The following ZC3H13 variants were observed in gnomAD, a reference collection of about 807,000 sequenced individuals.
ZC3H13 encodes the protein zinc finger CCCH-type containing 13, also known as zinc finger CCCH domain-containing protein 13.
ZC3H13 carries 64 observed loss-of-function variants against 204.1 expected under a neutral mutation model. That is an observed-to-expected ratio of 0.31 (90% CI 0.26 to 0.39). ZC3H13 has a LOEUF of 0.39. Among genes scored for constraint, ZC3H13 ranks in the 10% least tolerant of loss-of-function variants. The pLI is 1.00. For synonymous variants in ZC3H13, 667 were observed against 693.7 expected, an observed-to-expected ratio of 0.96 and a Z score of 0.60; for missense variants, 1,833 against 2,082.7, an observed-to-expected ratio of 0.88 and a Z score of 2.33.
chr13:45,971,480 C>T lies in ZC3H13; in HGVS notation c.2469-1015G>A, dbSNP rs180909663. On this transcript the variant is annotated intron_variant, in intron 12 of 18. Transcript: ENST00000679008. ...CAAGTCACATGTAAAAGAATGAAAC[C>T]GGATCCCTCTCAGCTCAAACAAAAA... Among the ~76,000 whole-genome samples the T allele has an allele frequency of 5.7e-4, 86 of 152,106 alleles. 1 individual carries two copies. The highest frequency in any genetic ancestry group is 1.9e-3 in the African/African-American group (77 of 41,522).
chr13:46,033,731 G>A (rs1034531202), intron 4 of ZC3H13, among the ~76,000 whole-genome samples: 1 of 152,040 alleles, frequency 6.6e-6, no homozygotes, highest in African/African-American at 2.4e-5. Context: ...TATATAGTAT[G>A]AAATACACAA....
Position 45,955,045 on chromosome 13 carries a change from C to T in ZC3H13, c.*2082G>A, listed in dbSNP as rs368253160. ...TGCCCTTTATCTATCTACACAATTC[C>T]TTATTACCAGCAGCTGGAATCCAGT... is the stretch of plus-strand genomic sequence containing the variant. On this transcript the variant is annotated 3_prime_UTR_variant, in exon 19 of 19. Transcript: ENST00000679008. The T allele has an allele frequency of 5.3e-5, 8 of 152,112 alleles. No individual in the cohort carries two copies. The highest frequency in any genetic ancestry group is 1.7e-4 in the African/African-American group (7 of 41,418). The allele number at this position is 152,112 out of a possible 1,614,324, so 9.4% of individuals were successfully genotyped here.
chr13:45,959,242 CA>C (rs1566134396), intron 18 of ZC3H13, among the ~76,000 whole-genome samples: 1 of 151,836 alleles, frequency 6.6e-6, no homozygotes, highest in Non-Finnish European at 1.5e-5. Context: ...AAGCTTTTCA[CA>C]AAAAACGTTT....
At chr13:46,006,474 T>C (rs575469101) in intron 7 of ZC3H13, among the ~76,000 whole-genome samples, 1 of 151,864 alleles carries the variant, frequency 6.6e-6, no homozygotes, top group South Asian at 2.1e-4. Context: ...TAAATGAATT[T>C]ATAATTTAAG....
intron 1 of ZC3H13, among the ~76,000 whole-genome samples, chr13:46,045,958 T>C (rs1294150488): frequency 1.3e-5 from 2 of 152,106 alleles, no homozygotes; most frequent in African/African-American, 4.8e-5. Context: ...AAAATAAAAT[T>C]GGGTGAAAAT....
rs1289212835 is a variant in ZC3H13 at position 46,020,576 on chromosome 13, AC to A, written c.340-20del. The A allele has an allele frequency of 6.7e-7, 1 of 1,488,416 alleles. No homozygotes were observed. Among genetic ancestry groups the A allele is most frequent in the Non-Finnish European group, 9.2e-7 (1 of 1,086,130 alleles). The allele number at this position is 1,488,416 out of a possible 1,614,324, so 92.2% of individuals were successfully genotyped here. On this transcript the variant is annotated intron_variant, in intron 4 of 18. Coordinates refer to ENST00000679008, the MANE Select transcript of ZC3H13 (RefSeq NM_001330564.2). Reference sequence around the variant, plus strand: ...ATTCTTTCTAAAAAAGTACATACATACATTCAGATTACTATATTTTTAAAAA... The same window carrying A: ...ATTCTTTCTAAAAAAGTACATACATAATTCAGATTACTATATTTTTAAAAA...
chr13:45,997,951 C>T (rs1209306440), intron 8 of ZC3H13, among the ~76,000 whole-genome samples: 1 of 152,142 alleles, frequency 6.6e-6, no homozygotes, highest in African/African-American at 2.4e-5. Flanking sequence ...CTTTTGGAAA[C>T]ACTTTTGCTC....
chr13:45,980,434 A>G (rs1953464031), intron 10 of ZC3H13, among the ~76,000 whole-genome samples: 1 of 152,224 alleles, frequency 6.6e-6, no homozygotes, highest in African/African-American at 2.4e-5. Context: ...ACAACATTAA[A>G]CTGTATGTGA....
At chr13:45,961,700 C>A (rs1184105938) in intron 17 of ZC3H13, among the ~76,000 whole-genome samples, 1 of 151,302 alleles carries the variant, frequency 6.6e-6, no homozygotes, top group East Asian at 1.9e-4. Context: ...TTGTCAATAA[C>A]AATTTAATTA....
At chr13:45,971,655 A>G (rs1593482373) in intron 12 of ZC3H13, among the ~76,000 whole-genome samples, 1 of 152,292 alleles carries the variant, frequency 6.6e-6, no homozygotes. Flanking sequence ...ACCAAAAATA[A>G]ATAAATGGAA....
chr13:45,957,312 C>A lies in ZC3H13; in HGVS notation c.4840-15G>T. 6.9e-7 allele frequency: 1 copy of A among 1,454,944 alleles called. No individual in the cohort carries two copies. Among genetic ancestry groups the A allele is most frequent in the Non-Finnish European group, 9.2e-7 (1 of 1,092,176 alleles). 90.1% of individuals were successfully genotyped at this position (1,454,944 alleles called of 1,614,324 possible). On this transcript the variant is annotated splice_polypyrimidine_tract_variant and intron_variant, in intron 18 of 18. Coordinates refer to ENST00000679008, the MANE Select transcript of ZC3H13 (RefSeq NM_001330564.2). ...TTTATGGTGCCCTATTTGAAGAAAA[C>A]AAAAACAAACTTTAAAAAAGATGTA...
chr13:45,980,314 T>C (rs1953452863), intron 10 of ZC3H13, among the ~76,000 whole-genome samples: 1 of 152,198 alleles, frequency 6.6e-6, no homozygotes, highest in Admixed American at 6.5e-5. Context: ...TATTTCTTCA[T>C]ATTTAATTCA....
In ZC3H13 at chr13:45,988,993, C is replaced by T. The variant is rs11537603; in HGVS notation, c.1049G>A (p.Arg350His). 511 of 1,613,776 alleles carry T rather than the reference C, an allele frequency of 3.2e-4. 3 individuals carry two copies. Among genetic ancestry groups the T allele is most frequent in the South Asian group, 1.3e-3 (114 of 91,050 alleles). The change falls in exon 9 of 19, where the codon CGT becomes CAT. Residue 350 changes from arginine (R) to histidine (H), a missense_variant. By Grantham distance (29) the Arg-to-His change is conservative (BLOSUM62 0). Coordinates refer to ENST00000679008, the MANE Select transcript of ZC3H13 (RefSeq NM_001330564.2). ...AGATGGTGAAGGAGTTCTTTTTCGACGAGGAGAAGGAGAATGTCTTTGAAT... is the reference window on the plus strand; with the variant it reads ...AGATGGTGAAGGAGTTCTTTTTCGATGAGGAGAAGGAGAATGTCTTTGAAT... ...SSIQRHSPSP[R>H]RKRTPSPSYQ...
rs1951875568 is a variant in ZC3H13 at position 45,963,929 on chromosome 13, T to G, written c.4588A>C (p.Arg1530=). 1 of 1,614,048 alleles carries G rather than the reference T, an allele frequency of 6.2e-7. No homozygotes were observed. The highest frequency in any genetic ancestry group is 1.3e-5 in the African/African-American group (1 of 74,936). Residue 1530 remains arginine, a synonymous_variant, in exon 17 of 19, where the codon AGA becomes CGA. Coordinates refer to ENST00000679008, the MANE Select transcript of ZC3H13 (RefSeq NM_001330564.2). The stretch of plus-strand genomic sequence containing the variant: ...GCCAACTTTTTAGAAATCCCAACTC[T>G]TAGCATAACAGCTCCAGGTGTGAAT... ...LKFTPGAVML[R]VGISKKLAGS...
chr13:46,022,174 A>T (rs1379056563), intron 4 of ZC3H13, among the ~76,000 whole-genome samples: 1 of 151,798 alleles, frequency 6.6e-6, no homozygotes, highest in Non-Finnish European at 1.5e-5. Flanking sequence ...TAAAATTATA[A>T]TTTTTGAATT....
rs139711730 is a variant in ZC3H13, at chr13:46,010,362, C to A, written c.732G>T (p.Leu244=). ...ACCCTACTGACCTCTGCTGGTCCAA[C>A]AGGGGAGAAGATACTGCAGATGTCT... ...DRKTSAVSSP[L]LDQQRNSKTN... The change falls in exon 7 of 19, where the codon CTG becomes CTT. Residue 244 remains leucine (L), a synonymous_variant. Coordinates refer to ENST00000679008, the MANE Select transcript of ZC3H13 (RefSeq NM_001330564.2). 21 of 1,611,938 alleles carry A rather than the reference C, an allele frequency of 1.3e-5. No individual in the cohort carries two copies. The African/African-American group carries it at 2.5e-4, about 19-fold the overall frequency.
intron 4 of ZC3H13, among the ~76,000 whole-genome samples, chr13:46,038,289 C>T (rs1348437371): frequency 6.6e-6 from 1 of 152,162 alleles, no homozygotes; most frequent in African/African-American, 2.4e-5. Flanking sequence ...TCTTCCCTCC[C>T]CTCTGACACC....
chr13:46,045,145 T>C (rs2043858790), intron 2 of ZC3H13, 81 bp from the exon 3 acceptor site: 2 of 1,283,422 alleles, frequency 1.6e-6, no homozygotes, highest in African/African-American at 3.0e-5. Context: ...TTAAAACAAA[T>C]GCTACCAAAA....
At chr13:46,010,280 C>A in intron 7 of ZC3H13, 68 bp downstream of exon 7, 1 of 1,423,012 alleles carries the variant, frequency 7.0e-7, no homozygotes. Context: ...CTTTTATAAC[C>A]TACTAATTCT....
Sources: gnomAD v4.1 joint callset for allele counts (sites outside exome capture counted in the v4.1 genomes callset) on GRCh38, gnomAD v4.1.1 for gene constraint, MANE v1.5 for transcripts, NCBI Gene and HGNC (gene_info 2026-07-23, HGNC 2026-07-21) for gene names.